Variants in GPC6 observed in about 807,000 individuals in gnomAD.
GPC6 encodes glypican 6.
Under a neutral mutation model 55.2 loss-of-function variants are expected in GPC6, and 14 were observed. The ratio of observed to expected loss-of-function variants is 0.25; its 90% CI spans 0.17 to 0.40. The LOEUF (loss-of-function observed/expected upper bound fraction) is 0.40, where lower values mean the gene tolerates loss of function less well. GPC6 is among the 10% of genes least tolerant of loss of function. GPC6 has a pLI of 1.00. For synonymous variants in GPC6, 278 were observed against 259.6 expected (o/e 1.07, Z -0.68); for missense variants, 641 against 708.5 (o/e 0.90, Z 1.08).
At chr13:93,402,566 C>T (rs1055209905) in intron 1 of GPC6, among the ~76,000 whole-genome samples, 1 of 152,102 alleles carries the variant, frequency 6.6e-6, no homozygotes, top group Non-Finnish European at 1.5e-5. Flanking sequence ...CATGGCCAGG[C>T]CGGTCTGAAT....
At position 93,545,284 on chromosome 13, in the gene GPC6, C is replaced by A. The variant is rs773045679; in HGVS notation, c.182C>A (p.Pro61His). 1.2e-6 allele frequency: 2 copies of A among 1,613,432 alleles called. No homozygotes were observed. Among genetic ancestry groups the A allele is most frequent in the Non-Finnish European group, 1.7e-6 (2 of 1,179,468 alleles). The change falls in exon 2 of 9, where the codon CCT (proline) becomes CAT (histidine). Residue 61 changes from proline to histidine, a missense_variant. Transcript: ENST00000377047. The stretch of plus-strand genomic sequence containing the variant: ...GCAGGGGAACACTTAAGAATCTGTC[C>A]TCAGGAATATACATGCTGCACCACA... ...EIAGEHLRIC[P>H]QEYTCCTTEM...
intron 1 of GPC6, among the ~76,000 whole-genome samples, chr13:93,466,333 T>G (rs978510734): frequency 6.6e-6 from 1 of 152,234 alleles, no homozygotes; most frequent in Non-Finnish European, 1.5e-5. Context: ...GTCACGTATA[T>G]CACGTGATGT....
chr13:94,014,102 A>G (rs1882360960), intron 3 of GPC6, among the ~76,000 whole-genome samples: 1 of 152,160 alleles, frequency 6.6e-6, no homozygotes, highest in Admixed American at 6.5e-5. Flanking sequence ...TTCCTGTCTT[A>G]TCCTTGTTCT....
intron 1 of GPC6, among the ~76,000 whole-genome samples, chr13:93,291,006 T>G (rs768984158): frequency 4.7e-4 from 72 of 152,152 alleles, no homozygotes; most frequent in Non-Finnish European, 9.0e-4. Context: ...TTACGACTGA[T>G]CATTTGGGCA....
intron 1 of GPC6, among the ~76,000 whole-genome samples, chr13:93,512,094 G>A (rs1881002231): frequency 6.6e-6 from 1 of 152,012 alleles, no homozygotes; most frequent in Admixed American, 6.6e-5. Flanking sequence ...GGAATCTTCA[G>A]GCTTTCCTAA....
rs182174428 is a variant in GPC6, at chr13:94,242,971, G to T, written c.878-43378G>T. On this transcript the variant is annotated intron_variant, in intron 4 of 8. Transcript: ENST00000377047. ...CTAAAAAAAAAAAAAAGTACCACTT[G>T]TGGAATGCCCAGGCACATTTCAACT... Among the ~76,000 whole-genome samples the T allele has an allele frequency of 1.7e-3, 261 of 151,612 alleles. 1 individual carries two copies. The highest frequency in any genetic ancestry group is 8.1e-3 in the South Asian group (39 of 4,800).
chr13:94,244,589 A>G (rs574255683), intron 4 of GPC6, among the ~76,000 whole-genome samples: 5 of 152,300 alleles, frequency 3.3e-5, no homozygotes, highest in African/African-American at 7.2e-5. Flanking sequence ...TTGGAAGGAC[A>G]AAATAATAAG....
chr13:93,475,898 T>C (rs1566376531), intron 1 of GPC6, among the ~76,000 whole-genome samples: 3 of 152,152 alleles, frequency 2.0e-5, no homozygotes, highest in Admixed American at 2.0e-4. Context: ...GTTGTATAAT[T>C]CATGATATTG....
intron 6 of GPC6, among the ~76,000 whole-genome samples, chr13:94,371,931 C>G (rs1055754311): frequency 2.0e-5 from 3 of 152,152 alleles, no homozygotes; most frequent in Non-Finnish European, 4.4e-5. Context: ...AAAATTAGCA[C>G]TTATTCAATA....
At chr13:93,520,455 G>A (rs1224058514) in intron 1 of GPC6, among the ~76,000 whole-genome samples, 2 of 151,770 alleles carry the variant, frequency 1.3e-5, no homozygotes, top group African/African-American at 2.4e-5. Context: ...AGGACCAGTT[G>A]CAAATGAGCA....
At chr13:94,084,830 G>A (rs534914840) in intron 4 of GPC6, among the ~76,000 whole-genome samples, 1 of 152,270 alleles carries the variant, frequency 6.6e-6, no homozygotes, top group Non-Finnish European at 1.5e-5. Flanking sequence ...AAGATGCTAT[G>A]TTGAAAATCA....
At chr13:93,917,486 A>T (rs1008674495) in intron 3 of GPC6, among the ~76,000 whole-genome samples, 4 of 152,246 alleles carry the variant, frequency 2.6e-5, no homozygotes, top group Non-Finnish European at 5.9e-5. Context: ...GCTGGTAAAG[A>T]GAATTCACCT....
intron 3 of GPC6, among the ~76,000 whole-genome samples, chr13:93,990,466 C>T (rs749820326): frequency 6.6e-6 from 1 of 151,926 alleles, no homozygotes; most frequent in Non-Finnish European, 1.5e-5. Context: ...GGGAGAAAAA[C>T]ATAGGATGTG....
chr13:93,559,640 T>C (rs1875659595), intron 2 of GPC6, among the ~76,000 whole-genome samples: 1 of 152,250 alleles, frequency 6.6e-6, no homozygotes, highest in Non-Finnish European at 1.5e-5. Flanking sequence ...CATGAATATT[T>C]ACTTACTATA....
intron 3 of GPC6, among the ~76,000 whole-genome samples, chr13:94,010,364 A>G (rs1446302300): frequency 6.6e-6 from 1 of 152,190 alleles, no homozygotes; most frequent in African/African-American, 2.4e-5. Flanking sequence ...GCTGACTAAA[A>G]GATTGTAAAA....
At position 94,391,521 on chromosome 13, in the gene GPC6, G is replaced by A. The variant is rs148450449; in HGVS notation, c.1290-6945G>A. 5.6e-3 allele frequency among the ~76,000 whole-genome samples: 850 copies of A among 152,174 alleles called. 4 individuals carry two copies. Among genetic ancestry groups the A allele is most frequent in the Non-Finnish European group, 8.8e-3 (597 of 68,020 alleles). Reference sequence around the variant, plus strand: ...TTTATAATTACACTTAAAGCAGAAGGTCACAGTTTACGTTGAATAATCCAA... The same window carrying A: ...TTTATAATTACACTTAAAGCAGAAGATCACAGTTTACGTTGAATAATCCAA... On this transcript the variant is annotated intron_variant, in intron 7 of 8. Transcript: ENST00000377047.
At chr13:93,367,001 G>A (rs1481548273) in intron 1 of GPC6, among the ~76,000 whole-genome samples, 1 of 151,944 alleles carries the variant, frequency 6.6e-6, no homozygotes, top group African/African-American at 2.4e-5. Flanking sequence ...TCTTAATGCT[G>A]GGAATGTGCT....
intron 1 of GPC6, among the ~76,000 whole-genome samples, chr13:93,531,387 G>A (rs1881862297): frequency 6.6e-6 from 1 of 152,092 alleles, no homozygotes; most frequent in Admixed American, 6.6e-5. Flanking sequence ...AGGGCAGACT[G>A]GCAGACTCAA....
Position 94,113,920 on chromosome 13 carries a change from G to C in GPC6, c.877+86026G>C, listed in dbSNP as rs185486229. On this transcript the variant is annotated intron_variant, in intron 4 of 8. Coordinates refer to ENST00000377047, the MANE Select transcript of GPC6 (RefSeq NM_005708.5). ...GTCTGTAGTCCCAGCTACTTGGAAG[G>C]CTGAGGCACGAGAATCACTTGAACC... is the stretch of plus-strand genomic sequence containing the variant. 2.4e-3 allele frequency among the ~76,000 whole-genome samples: 360 copies of C among 150,784 alleles called. 1 individual carries two copies. Among genetic ancestry groups the C allele is most frequent in the African/African-American group, 8.5e-3 (347 of 40,956 alleles).
Sources: allele counts gnomAD v4.1 joint callset (sites outside exome capture counted in the v4.1 genomes callset), GRCh38; gene constraint gnomAD v4.1.1; transcripts MANE v1.5; gene names NCBI Gene and HGNC (gene_info 2026-07-23, HGNC 2026-07-21).